The following PCDHGA1 variants were observed in gnomAD, a reference collection of about 807,000 sequenced individuals.
The protein encoded by PCDHGA1 is protocadherin gamma subfamily A, 1, also known as protocadherin gamma-A1.
PCDHGA1 carries 32 observed loss-of-function variants against 58.0 expected under a neutral mutation model. That is an observed-to-expected ratio of 0.55 (90% CI 0.42 to 0.74). PCDHGA1 has a LOEUF of 0.74. Among genes scored for constraint, PCDHGA1 ranks in the 30% least tolerant of loss-of-function variants. PCDHGA1 has a pLI of 0.00. For missense variants in PCDHGA1, 1,205 were observed against 1,182.3 expected (o/e 1.02, Z -0.28); for synonymous variants, 498 against 501.1 (o/e 0.99, Z 0.08).
At chr5:141,409,461 T>C in intron 1 of PCDHGA1, 1 of 1,613,928 alleles carries the variant, frequency 6.2e-7, no homozygotes, top group Non-Finnish European at 8.5e-7. Flanking sequence ...GAATACAATG[T>C]CACCATCGTA....
At chr5:141,418,811 A>C in intron 1 of PCDHGA1, 1 of 1,613,916 alleles carries the variant, frequency 6.2e-7, no homozygotes. Context: ...ATATACGATA[A>C]ACATAGAAGC....
At chr5:141,399,348 C>G (rs1287526689) in intron 1 of PCDHGA1, 1 of 1,613,940 alleles carries the variant, frequency 6.2e-7, no homozygotes, top group Non-Finnish European at 8.5e-7. Flanking sequence ...GAACCCTAGA[C>G]CGAGAGCAAA....
intron 1 of PCDHGA1, chr5:141,419,381 A>T (rs1170271990): frequency 6.2e-7 from 1 of 1,613,544 alleles, no homozygotes; most frequent in Admixed American, 1.7e-5. Flanking sequence ...CGTGTCCGTG[A>T]GCGCGCAGAG....
rs70988800 is a variant in PCDHGA1 at position 141,379,889 on chromosome 5, C to CTTTTTTTTTTTTTTTTTTTTTT, written c.2421+46793_2421+46814dup. On this transcript the variant is annotated intron_variant, in intron 1 of 3. Coordinates refer to ENST00000517417, the MANE Select transcript of PCDHGA1 (RefSeq NM_018912.3). ...CTTATTTTATGGTCTGTGAAAGCCT[C>CTTTTTTTTTTTTTTTTTTTTTT]TTTTTTTTTTTTTTTTTTTTTTTTT... Among the ~76,000 whole-genome samples the CTTTTTTTTTTTTTTTTTTTTTT allele has an allele frequency of 1.7e-3, 88 of 50,830 alleles. 16 individuals carry two copies. The highest frequency in any genetic ancestry group is 2.3e-3 in the Non-Finnish European group (60 of 25,884). 33.3% of individuals were successfully genotyped at this position (50,830 alleles called of 152,430 possible).
intron 2 of PCDHGA1, among the ~76,000 whole-genome samples, chr5:141,495,678 C>T (rs1340336428): frequency 6.6e-6 from 1 of 152,180 alleles, no homozygotes; most frequent in African/African-American, 2.4e-5. Context: ...CTGTGCCTGC[C>T]ATGGCATAAG....
At chr5:141,415,285 G>T in intron 1 of PCDHGA1, 1 of 1,614,216 alleles carries the variant, frequency 6.2e-7, no homozygotes. Flanking sequence ...GGTGGCCGCG[G>T]TCTCCTGCGT....
At chr5:141,350,528 G>T in intron 1 of PCDHGA1, 1 of 1,614,034 alleles carries the variant, frequency 6.2e-7, no homozygotes, top group Non-Finnish European at 8.5e-7. Context: ...GATAGATCGA[G>T]AGAAGATTTG....
intron 1 of PCDHGA1, chr5:141,345,972 C>T (rs753949657): frequency 6.2e-7 from 1 of 1,613,558 alleles, no homozygotes; most frequent in Non-Finnish European, 8.5e-7. Flanking sequence ...GGTGGCCGTC[C>T]AGGACCACGG....
intron 1 of PCDHGA1, chr5:141,419,897 A>G: frequency 1.2e-6 from 2 of 1,613,960 alleles, no homozygotes; most frequent in African/African-American, 2.7e-5. Flanking sequence ...CGACCATCCC[A>G]CACCCTCTGA....
intron 1 of PCDHGA1, chr5:141,352,585 T>C (rs748971088): frequency 1.2e-6 from 2 of 1,613,952 alleles, no homozygotes; most frequent in Admixed American, 3.3e-5. Context: ...CCCCTCAGGA[T>C]CTGCTGTGTG....
chr5:141,399,274 C>T, intron 1 of PCDHGA1: 1 of 1,613,848 alleles, frequency 6.2e-7, no homozygotes, highest in Non-Finnish European at 8.5e-7. Context: ...TTGTCAATTA[C>T]AAGGCGAAGT....
chr5:141,410,847 G>GTAT, intron 1 of PCDHGA1: 2 of 158,246 alleles, frequency 1.3e-5, no homozygotes, highest in Non-Finnish European at 1.0e-5. Context: ...TTTTGTCTTT[G>GTAT]TCTTTTTTTT....
chr5:141,419,207 CCGGTTTTCGGACAGT>C, intron 1 of PCDHGA1: 5 of 1,613,998 alleles, frequency 3.1e-6, no homozygotes, highest in Non-Finnish European at 4.2e-6. Flanking sequence ...TGACAACGCG[CCGGTTTTCGGACAGT>C]CAGCCTACCT....
intron 1 of PCDHGA1, chr5:141,404,536 G>A: frequency 6.2e-7 from 1 of 1,613,922 alleles, no homozygotes; most frequent in Non-Finnish European, 8.5e-7. Flanking sequence ...TTAGAGATTT[G>A]CAAATGCAGG....
chr5:141,376,675 CG>C (rs1228548126), intron 1 of PCDHGA1: 139 of 345,036 alleles, frequency 4.0e-4, no homozygotes, highest in South Asian at 5.8e-4. Context: ...GTGAGGGTAT[CG>C]TTTTTTTTTT....
At chr5:141,381,986 C>T (rs1360595056) in intron 1 of PCDHGA1, among the ~76,000 whole-genome samples, 1 of 151,810 alleles carries the variant, frequency 6.6e-6, no homozygotes, top group African/African-American at 2.4e-5. Context: ...CGCGCCACCA[C>T]GCCCGGATAA....
Position 141,485,168 on chromosome 5 carries a change from G to A in PCDHGA1, c.2422-9639G>A. The A allele has an allele frequency of 6.2e-7, 1 of 1,608,668 alleles. No individual in the cohort carries two copies. Among genetic ancestry groups the A allele is most frequent in the Non-Finnish European group, 8.5e-7 (1 of 1,175,736 alleles). ...GGAGCAAGTAGAGAATTAGCGGGCG[G>A]CAGCAATGCTCCGCAAGGTGAGAAG... is the stretch of plus-strand genomic sequence containing the variant. On this transcript the variant is annotated intron_variant, in intron 1 of 3. Coordinates refer to ENST00000517417, the MANE Select transcript of PCDHGA1 (RefSeq NM_018912.3). This position sits in a 1 kb window ranked among gnomAD's most constrained non-coding sequence, Gnocchi z 5.7.
At position 141,491,101 on chromosome 5, in the gene PCDHGA1, G is replaced by A. The variant is rs1270788252; in HGVS notation, c.2422-3706G>A. Reference sequence around the variant, plus strand: ...GTCCACAGCCCCAGGACTGTTCCTCGTGTCTACACACACTGGTGAGGTGCG... The same window carrying A: ...GTCCACAGCCCCAGGACTGTTCCTCATGTCTACACACACTGGTGAGGTGCG... On this transcript the variant is annotated intron_variant, in intron 1 of 3. Transcript: ENST00000517417. This position sits in a 1 kb window ranked among gnomAD's most constrained non-coding sequence, Gnocchi z 6.9. The A allele has an allele frequency of 8.1e-6, 13 of 1,614,102 alleles. No individual in the cohort carries two copies. In the East Asian group the frequency reaches 1.6e-4, roughly 19 times the overall value.
chr5:141,418,694 TATTCC>T, intron 1 of PCDHGA1: 2 of 1,614,044 alleles, frequency 1.2e-6, no homozygotes, highest in Non-Finnish European at 1.7e-6. Flanking sequence ...AGAGATCACT[TATTCC>T]TTCTTTGGTG....
Sources: allele counts gnomAD v4.1 joint callset (sites outside exome capture counted in the v4.1 genomes callset), GRCh38; gene constraint gnomAD v4.1.1; non-coding constraint Gnocchi (gnomAD v3.1); transcripts MANE v1.5; gene names NCBI Gene and HGNC (gene_info 2026-07-23, HGNC 2026-07-21).